CFH: variants seen among roughly 807,000 people sequenced by gnomAD.
CFH encodes H factor 1 (complement).
In CFH, 53 loss-of-function variants were observed where a neutral mutation model predicts 147.3. That is an observed-to-expected ratio of 0.36 (90% CI 0.29 to 0.45). CFH has a LOEUF of 0.45. Ranked by LOEUF, CFH falls within the 20% of genes least tolerant of loss-of-function variation. The pLI, the probability that CFH is intolerant of heterozygous loss-of-function variation, is 1.00. For missense variants in CFH, 1,380 were observed against 1,498.0 expected, an observed-to-expected ratio of 0.92 and a Z score of 1.30; for synonymous variants, 536 against 489.4, an observed-to-expected ratio of 1.10 and a Z score of -1.26.
intron 21 of CFH, 85 bp from the exon 22 acceptor site, chr1:196,747,026 A>G (rs1653033633): frequency 1.3e-6 from 2 of 1,580,066 alleles, no homozygotes; most frequent in South Asian, 2.3e-5. Context: ...CTGAACCATC[A>G]TATAACATTC....
At chr1:196,658,772 G>A (rs1466811327) in intron 1 of CFH, among the ~76,000 whole-genome samples, 1 of 151,882 alleles carries the variant, frequency 6.6e-6, no homozygotes, top group African/African-American at 2.4e-5. Flanking sequence ...GTTTCACCAC[G>A]TTGCCCAGGC....
At chr1:196,746,055 T>G (rs1164362598) in intron 21 of CFH, 56 bp downstream of exon 21, 1 of 1,612,348 alleles carries the variant, frequency 6.2e-7, no homozygotes, top group Non-Finnish European at 8.5e-7. Flanking sequence ...GTCTGATATT[T>G]CACTGTTTGT....
intron 11 of CFH, among the ~76,000 whole-genome samples, chr1:196,716,074 T>C (rs1012526809): frequency 3.9e-5 from 6 of 152,112 alleles, no homozygotes; most frequent in Non-Finnish European, 5.9e-5. Flanking sequence ...AAAATTATAG[T>C]TGGTTACAAC....
chr1:196,702,554 G>A (rs1370611609), intron 9 of CFH, among the ~76,000 whole-genome samples: 1 of 148,218 alleles, frequency 6.7e-6, no homozygotes, highest in Non-Finnish European at 1.5e-5. Context: ...CAAAGCATAT[G>A]AAGAATCTAT....
chr1:196,677,579 A>T lies in CFH; in HGVS notation c.531A>T (p.Val177=). ...EYHFGQAVRF[V]CNSGYKIEGD... ...ATTTTGGACAAGCAGTACGGTTTGT[A>T]TGTAACTCAGGCTACAAGATTGAAG... Residue 177 remains valine (V), a synonymous_variant, in exon 5 of 22, where the codon GTA becomes GTT. Transcript: ENST00000367429. The T allele has an allele frequency of 6.2e-7, 1 of 1,613,366 alleles. No homozygotes were observed. Among genetic ancestry groups the T allele is most frequent in the Non-Finnish European group, 8.5e-7 (1 of 1,179,512 alleles).
At chr1:196,722,043 T>A (rs529019755) in intron 11 of CFH, among the ~76,000 whole-genome samples, 1 of 152,216 alleles carries the variant, frequency 6.6e-6, no homozygotes, top group African/African-American at 2.4e-5. Context: ...CTATTTATGT[T>A]AAAAGTTAAT....
In CFH at chr1:196,746,993, G is replaced by C. The variant is rs538180818; in HGVS notation, c.3494-118G>C. 3.2e-6 allele frequency: 5 copies of C among 1,538,466 alleles called. No homozygotes were observed. In the Admixed American group the frequency reaches 5.5e-5, roughly 17 times the overall value. ...ATGATGTTTCTACATAGTTGGTTTG[G>C]ATAGTGTTTTGAGAAATAATTCCTG... On this transcript the variant is annotated intron_variant, in intron 21 of 21. Coordinates refer to ENST00000367429, the MANE Select transcript of CFH (RefSeq NM_000186.4).
At chr1:196,727,095 A>G (rs910212375) in intron 14 of CFH, among the ~76,000 whole-genome samples, 155 bp downstream of exon 14, 6 of 152,168 alleles carry the variant, frequency 3.9e-5, no homozygotes, top group Non-Finnish European at 7.3e-5. Context: ...TTATAATTCA[A>G]TATGTGTCTA....
At chr1:196,707,427 G>C (rs1180269803) in intron 9 of CFH, among the ~76,000 whole-genome samples, 1 of 152,186 alleles carries the variant, frequency 6.6e-6, no homozygotes, top group Non-Finnish European at 1.5e-5. Flanking sequence ...TGTGGTTCCA[G>C]CAGATTGTGG....
chr1:196,711,736 T>C (rs1339669596), intron 9 of CFH, among the ~76,000 whole-genome samples: 8 of 152,098 alleles, frequency 5.3e-5, no homozygotes, highest in East Asian at 1.9e-4. Flanking sequence ...TCTACTCTGA[T>C]TGATTCCATT....
chr1:196,729,415 C>T (rs1201847555), intron 15 of CFH, among the ~76,000 whole-genome samples: 3 of 152,100 alleles, frequency 2.0e-5, no homozygotes, highest in Non-Finnish European at 2.9e-5. Flanking sequence ...CTATGTTAAA[C>T]GACCTTTACA....
At position 196,712,962 on chromosome 1, in the gene CFH, C is replaced by T. The variant is rs1328473302; in HGVS notation, c.1337-773C>T. ...GACATGAACTCCTCATTTTTTATGGCTGCATAGTATTCCATGGTGTATATG... is the reference window on the plus strand; with the variant it reads ...GACATGAACTCCTCATTTTTTATGGTTGCATAGTATTCCATGGTGTATATG... On this transcript the variant is annotated intron_variant, in intron 9 of 21. Transcript: ENST00000367429. Among the ~76,000 whole-genome samples the T allele has an allele frequency of 2.6e-5, 4 of 151,868 alleles. No homozygotes were observed. In the East Asian group the frequency reaches 7.8e-4, roughly 29 times the overall value.
At chr1:196,703,781 G>A (rs1266495145) in intron 9 of CFH, among the ~76,000 whole-genome samples, 3 of 151,724 alleles carry the variant, frequency 2.0e-5, no homozygotes, top group South Asian at 2.1e-4. Context: ...TCAGGAGATC[G>A]AGACCATCCT....
At position 196,677,609 on chromosome 1, in the gene CFH, T is replaced by A. The variant is rs1204792588; in HGVS notation, c.561T>A (p.Asp187Glu). 6.2e-7 allele frequency: 1 copy of A among 1,613,288 alleles called. No homozygotes were observed. Among genetic ancestry groups the A allele is most frequent in the South Asian group, 1.1e-5 (1 of 91,070 alleles). ...ACTCAGGCTACAAGATTGAAGGAGA[T>A]GAAGAAATGCATTGTTCAGACGATG... ...VCNSGYKIEG[D>E]EEMHCSDDGF... The change falls in exon 5 of 22, where the codon GAT (aspartate) becomes GAA (glutamate). Residue 187 changes from aspartate (D) to glutamate (E), a missense_variant. Around this residue, in one of 4 missense-constraint regions of CFH, gnomAD observed 260 missense variants for 263.3 expected, o/e 0.99. Transcript: ENST00000367429.
chr1:196,728,703 C>G (rs1468937925), intron 15 of CFH, among the ~76,000 whole-genome samples, 181 bp downstream of exon 15: 1 of 150,438 alleles, frequency 6.6e-6, no homozygotes, highest in Non-Finnish European at 1.5e-5. Flanking sequence ...GAATTAGTTA[C>G]CTTTAGTATA....
At chr1:196,683,880 A>G (rs563084416) in intron 6 of CFH, among the ~76,000 whole-genome samples, 1 of 151,802 alleles carries the variant, frequency 6.6e-6, no homozygotes, top group Non-Finnish European at 1.5e-5. Context: ...AGAGGAGACT[A>G]TGGATCATTT....
chr1:196,740,460 C>T (rs1252711571), intron 17 of CFH, among the ~76,000 whole-genome samples, 159 bp from the exon 18 acceptor site: 2 of 152,080 alleles, frequency 1.3e-5, no homozygotes, highest in East Asian at 3.9e-4. Context: ...CAGACAGACA[C>T]CAGAAGGCTA....
intron 9 of CFH, among the ~76,000 whole-genome samples, chr1:196,705,385 G>C (rs915195793): frequency 6.6e-6 from 1 of 152,142 alleles, no homozygotes; most frequent in Non-Finnish European, 1.5e-5. Context: ...GGGGTTTTTA[G>C]GTATGGCTGA....
chr1:196,652,765 AT>A (rs1258618834), intron 1 of CFH, among the ~76,000 whole-genome samples: 2 of 151,760 alleles, frequency 1.3e-5, no homozygotes, highest in Non-Finnish European at 2.9e-5. Context: ...TTCAATAGAG[AT>A]TTTTTTCCTG....
Sources: allele counts gnomAD v4.1 joint callset (sites outside exome capture counted in the v4.1 genomes callset), GRCh38; gene constraint gnomAD v4.1.1; regional missense constraint gnomAD v4.1.1; transcripts MANE v1.5; gene names NCBI Gene and HGNC (gene_info 2026-07-23, HGNC 2026-07-21).